Variants in SSBP3 observed in about 807,000 individuals in gnomAD.
SSBP3 encodes single-stranded DNA-binding protein 3.
SSBP3 carries 5 observed loss-of-function variants against 69.6 expected under a neutral mutation model. That is an observed-to-expected ratio of 0.07 (90% confidence interval 0.04 to 0.15). The LOEUF (loss-of-function observed/expected upper bound fraction) is 0.15. Among genes scored for constraint, SSBP3 ranks in the 10% least tolerant of loss-of-function variants. The pLI, the probability that SSBP3 is intolerant of heterozygous loss-of-function variation, is 1.00. For synonymous variants in SSBP3, 196 were observed against 193.4 expected, an observed-to-expected ratio of 1.01 and a Z score of -0.11; for missense variants, 312 against 534.0, an observed-to-expected ratio of 0.58 and a Z score of 4.10.
At chr1:54,307,246 A>G (rs746888741) in intron 4 of SSBP3, among the ~76,000 whole-genome samples, 12 of 151,794 alleles carry the variant, frequency 7.9e-5, no homozygotes, top group Non-Finnish European at 1.5e-4. Flanking sequence ...TGGTCCCATC[A>G]TCTTACACTA....
intron 4 of SSBP3, among the ~76,000 whole-genome samples, chr1:54,291,068 G>A (rs537859097): frequency 2.5e-4 from 38 of 152,296 alleles, no homozygotes; most frequent in African/African-American, 8.7e-4. Flanking sequence ...CCCTGGCGTG[G>A]ACCCGCGCAC....
chr1:54,316,504 G>A (rs1466713163), intron 4 of SSBP3, among the ~76,000 whole-genome samples: 11 of 146,672 alleles, frequency 7.5e-5, no homozygotes, highest in South Asian at 2.2e-4. Flanking sequence ...AGCCGGGCGC[G>A]GTGGCGGGCG....
At chr1:54,389,135 G>A (rs774757356) in intron 4 of SSBP3, among the ~76,000 whole-genome samples, 3 of 152,138 alleles carry the variant, frequency 2.0e-5, no homozygotes, top group Non-Finnish European at 2.9e-5. Context: ...GTGTGCTCAC[G>A]TTGGTTCCCC....
intron 4 of SSBP3, among the ~76,000 whole-genome samples, chr1:54,382,944 C>T (rs1189211108): frequency 7.9e-6 from 1 of 126,750 alleles, no homozygotes; most frequent in African/African-American, 3.2e-5. Context: ...GAGATCGTGC[C>T]ATTGCACTCC....
chr1:54,257,218 C>T (rs370495239), intron 6 of SSBP3, 32 bp from the exon 7 acceptor site: 25 of 1,573,434 alleles, frequency 1.6e-5, no homozygotes, highest in Non-Finnish European at 2.1e-5. Flanking sequence ...TCAATGACAG[C>T]CTGCCCTACT....
intron 4 of SSBP3, among the ~76,000 whole-genome samples, chr1:54,393,732 A>T (rs971651578): frequency 6.6e-6 from 1 of 152,196 alleles, no homozygotes; most frequent in Admixed American, 6.5e-5. Flanking sequence ...GTGTAAACTT[A>T]ATCTTTATGA....
chr1:54,237,833 G>A (rs1022155079), intron 14 of SSBP3: 26 of 301,154 alleles, frequency 8.6e-5, no homozygotes, highest in Non-Finnish European at 1.7e-4. Flanking sequence ...CATGACTGCA[G>A]CGTGCGGAGT....
chr1:54,380,039 G>A (rs1005172080), intron 4 of SSBP3, among the ~76,000 whole-genome samples: 1 of 152,150 alleles, frequency 6.6e-6, no homozygotes, highest in South Asian at 2.1e-4. Context: ...TACACCCAGG[G>A]GTGAGAGGGC....
At chr1:54,403,477 A>G (rs1166710281) in intron 3 of SSBP3, among the ~76,000 whole-genome samples, 1 of 152,194 alleles carries the variant, frequency 6.6e-6, no homozygotes, top group East Asian at 1.9e-4. Context: ...AAAAACAGCC[A>G]CAGAAAGCCT....
chr1:54,369,422 C>T lies in SSBP3; in HGVS notation c.276+32439G>A, dbSNP rs1340537559. On this transcript the variant is annotated intron_variant, in intron 4 of 17. Transcript: ENST00000610401. The stretch of plus-strand genomic sequence containing the variant: ...GCAGCTAGGTGGATGGATAAAAAGG[C>T]ATCTTGAAAACCAAGGTCAAGAATA... Among the ~76,000 whole-genome samples, 6 of 152,144 alleles carry T rather than the reference C, an allele frequency of 3.9e-5. No homozygotes were observed. In the East Asian group the frequency reaches 9.6e-4, roughly 24 times the overall value.
intron 7 of SSBP3, among the ~76,000 whole-genome samples, chr1:54,256,882 T>C (rs975185806): frequency 6.6e-6 from 1 of 152,220 alleles, no homozygotes; most frequent in African/African-American, 2.4e-5. Context: ...CTCCATCTGC[T>C]GCCACCTTCT....
At chr1:54,402,733 C>T (rs558467559) in intron 3 of SSBP3, among the ~76,000 whole-genome samples, 1 of 152,242 alleles carries the variant, frequency 6.6e-6, no homozygotes, top group South Asian at 2.1e-4. Flanking sequence ...CCTGCCTCAC[C>T]CCCCACTAAA....
exon 1 of SSBP3, chr1:54,406,084 G>GC (rs1649742702): frequency 8.2e-7 from 1 of 1,224,836 alleles, no homozygotes; most frequent in Non-Finnish European, 1.1e-6. Context: ...CTCCCGAGCT[G>GC]CCCCTCGCTC....
chr1:54,408,644 C>T (rs919488439), upstream of SSBP3, among the ~76,000 whole-genome samples: 1 of 152,260 alleles, frequency 6.6e-6, no homozygotes, highest in African/African-American at 2.4e-5. Context: ...GCATCAGTTT[C>T]TTCACCTGTC....
At chr1:54,405,300 C>G (rs1649641298) in intron 1 of SSBP3, 1 of 306,322 alleles carries the variant, frequency 3.3e-6, no homozygotes, top group Non-Finnish European at 6.3e-6. Context: ...TCCGAGGAGA[C>G]TCGGCCCTGG....
intron 4 of SSBP3, among the ~76,000 whole-genome samples, chr1:54,398,724 C>T (rs967591350): frequency 3.9e-5 from 6 of 152,182 alleles, no homozygotes; most frequent in East Asian, 1.9e-4. Context: ...ACCCTCCTCC[C>T]GTGACCCTCC....
chr1:54,407,896 T>C (rs1291392714), upstream of SSBP3, among the ~76,000 whole-genome samples: 2 of 151,756 alleles, frequency 1.3e-5, no homozygotes, highest in Non-Finnish European at 2.9e-5. Flanking sequence ...AACTCAGAAC[T>C]AGATTTCAAC....
intron 4 of SSBP3, among the ~76,000 whole-genome samples, chr1:54,382,297 A>C (rs1421678638): frequency 6.6e-6 from 1 of 152,042 alleles, no homozygotes; most frequent in Non-Finnish European, 1.5e-5. Flanking sequence ...CTGGTCTTGA[A>C]CTCCTAGGCT....
chr1:54,328,782 C>T (rs923912403), intron 4 of SSBP3, among the ~76,000 whole-genome samples: 4 of 152,140 alleles, frequency 2.6e-5, no homozygotes, highest in Admixed American at 6.5e-5. Context: ...CAATACCTAC[C>T]GGGACCTTAA....
Sources: gnomAD v4.1 joint callset for allele counts (sites outside exome capture counted in the v4.1 genomes callset) on GRCh38, gnomAD v4.1.1 for gene constraint, MANE v1.5 for transcripts, NCBI Gene and HGNC (gene_info 2026-07-23, HGNC 2026-07-21) for gene names.